The following POFUT2 variants were observed in gnomAD, a reference collection of about 807,000 sequenced individuals.
POFUT2 encodes protein O-fucosyltransferase 2, also known as GDP-fucose protein O-fucosyltransferase 2.
POFUT2 carries 30 observed loss-of-function variants against 55.0 expected under a neutral mutation model. The ratio of observed to expected loss-of-function variants is 0.55; its 90% CI spans 0.41 to 0.74. POFUT2 has a LOEUF of 0.74. Ranked by LOEUF, POFUT2 falls within the 30% of genes least tolerant of loss-of-function variation. The probability of loss-of-function intolerance (pLI) is 0.00; values close to 1 mark genes in which losing one functional copy is unlikely to be tolerated. For synonymous variants in POFUT2, 267 were observed against 231.1 expected (o/e 1.16, Z -1.41); for missense variants, 524 against 562.6 (o/e 0.93, Z 0.69).
At position 45,285,922 on chromosome 21, in the gene POFUT2, A is replaced by C; in HGVS notation, c.138T>G (p.Leu46=). The change falls in exon 2 of 9, where the codon CTT becomes CTG. Residue 46 remains leucine (L), a synonymous_variant. Coordinates refer to ENST00000349485, the MANE Select transcript of POFUT2 (RefSeq NM_133635.6). This position sits in a 1 kb window ranked among gnomAD's most constrained non-coding sequence, Gnocchi z 4.9. ...LSGAASRRRY[L]LYDVNPPEGF... ...CTTCCGGGGGGTTGACGTCATACAG[A>C]AGATACCTGAGCAGGGAGAAGGAGG... 1 of 1,604,146 alleles carries C rather than the reference A, an allele frequency of 6.2e-7. No individual in the cohort carries two copies. Among genetic ancestry groups the C allele is most frequent in the Non-Finnish European group, 8.5e-7 (1 of 1,174,492 alleles).
At position 45,277,359 on chromosome 21, in the gene POFUT2, G is replaced by C; in HGVS notation, c.706-217C>G. On this transcript the variant is annotated intron_variant, in intron 5 of 8. Coordinates refer to ENST00000349485, the MANE Select transcript of POFUT2 (RefSeq NM_133635.6). The surrounding 1 kb of genome is among the most constrained non-coding windows in gnomAD (Gnocchi z 6.9). ...AACGCAGGGCAAGCCGCCCACCCCTGCCGGCTCTGCCAGCCCCTGCCGTGG... is the reference window on the plus strand; with the variant it reads ...AACGCAGGGCAAGCCGCCCACCCCTCCCGGCTCTGCCAGCCCCTGCCGTGG... 1 of 571,894 alleles carries C rather than the reference G, an allele frequency of 1.7e-6. No individual in the cohort carries two copies. The highest frequency in any genetic ancestry group is 3.0e-6 in the Non-Finnish European group (1 of 331,256). The allele number at this position is 571,894 out of a possible 1,614,324, so 35.4% of individuals were successfully genotyped here. A position where few individuals can be genotyped will look rare whatever the true frequency, so the allele number is the denominator to read the frequency against.
At position 45,267,569 on chromosome 21, in the gene POFUT2, G is replaced by C. The variant is rs371365312; in HGVS notation, c.1136+21C>G. On this transcript the variant is annotated intron_variant, in intron 8 of 8. Transcript: ENST00000349485. This position sits in a 1 kb window ranked among gnomAD's most constrained non-coding sequence, Gnocchi z 4.4. ...AAAGCCACCCGACCCGCTCTCGGCC[G>C]ACAGTGACGTGGGCAGGCACCTGGC... is the stretch of plus-strand genomic sequence containing the variant. The C allele has an allele frequency of 6.2e-7, 1 of 1,614,150 alleles. No individual in the cohort carries two copies. The highest frequency in any genetic ancestry group is 8.5e-7 in the Non-Finnish European group (1 of 1,180,036).
In POFUT2 at chr21:45,283,490, C is replaced by A. The variant is rs201884494; in HGVS notation, c.420G>T (p.Leu140=). Reference sequence around the variant, plus strand: ...CTTTCCACCCCTCTGCGTAACTTTGCAGGACGTAAACCTGGTCAATAAAGG... The same window carrying A: ...CTTTCCACCCCTCTGCGTAACTTTGAAGGACGTAAACCTGGTCAATAAAGG... ...GGPFIDQVYV[L]QSYAEGWKEG... is the part of the protein sequence containing the mutation. Residue 140 remains leucine (L), a synonymous_variant, in exon 3 of 9, where the codon CTG becomes CTT. Transcript: ENST00000349485. The A allele has an allele frequency of 2.5e-6, 4 of 1,613,938 alleles. No individual in the cohort carries two copies. The African/African-American group carries it at 5.3e-5, about 22-fold the overall frequency.
rs745484532 is a variant in POFUT2, at chr21:45,282,329, G to A, written c.638+20C>T. ...ACGCCACAGCCTCCAGGCTGCTCCC[G>A]GGGGGCCTGGGGCACTCACCGGGCT... On this transcript the variant is annotated intron_variant, in intron 4 of 8. Coordinates refer to ENST00000349485, the MANE Select transcript of POFUT2 (RefSeq NM_133635.6). The surrounding 1 kb of genome is among the most constrained non-coding windows in gnomAD (Gnocchi z 4.6). 1.1e-5 allele frequency: 17 copies of A among 1,508,978 alleles called. No individual in the cohort carries two copies. The highest frequency in any genetic ancestry group is 1.7e-5 in the Admixed American group (1 of 59,626). The allele number at this position is 1,508,978 out of a possible 1,614,324, so 93.5% of individuals were successfully genotyped here. A position where few individuals can be genotyped will look rare whatever the true frequency, so the allele number is the denominator to read the frequency against.
chr21:45,282,134 C>T lies in POFUT2; in HGVS notation c.638+215G>A, dbSNP rs143364677. On this transcript the variant is annotated intron_variant, in intron 4 of 8. Coordinates refer to ENST00000349485, the MANE Select transcript of POFUT2 (RefSeq NM_133635.6). The surrounding 1 kb of genome is among the most constrained non-coding windows in gnomAD (Gnocchi z 4.6). The stretch of plus-strand genomic sequence containing the variant: ...AGCCCTCACCTCTGTGCCCCTCACC[C>T]GCTGTCCACGTCACCCACTGCACCC... 2.0e-5 allele frequency among the ~76,000 whole-genome samples: 3 copies of T among 152,128 alleles called. No homozygotes were observed. The highest frequency in any genetic ancestry group is 4.1e-4 in the South Asian group (2 of 4,822).
intron 4 of POFUT2, among the ~76,000 whole-genome samples, chr21:45,280,431 C>A (rs1194997224): frequency 2.0e-5 from 3 of 152,192 alleles, no homozygotes; most frequent in African/African-American, 7.2e-5. Context: ...TCCGGGGAGG[C>A]TATGAACGTT....
chr21:45,277,689 GT>G lies in POFUT2; in HGVS notation c.705+413del, dbSNP rs1234595862. 1 of 230,468 alleles carries G rather than the reference GT, an allele frequency of 4.3e-6. No homozygotes were observed. The highest frequency in any genetic ancestry group is 8.6e-6 in the Non-Finnish European group (1 of 115,976). The allele number at this position is 230,468 out of a possible 1,614,324, so 14.3% of individuals were successfully genotyped here. A position where few individuals can be genotyped will look rare whatever the true frequency, so the allele number is the denominator to read the frequency against. Reference sequence around the variant, plus strand: ...CTCCCACTCACTCACAGAACCAGGGGTGGCTATGGGAAGTCACCCCATCAAT... The same window carrying G: ...CTCCCACTCACTCACAGAACCAGGGGGGCTATGGGAAGTCACCCCATCAAT... On this transcript the variant is annotated intron_variant, in intron 5 of 8. Transcript: ENST00000349485. This position sits in a 1 kb window ranked among gnomAD's most constrained non-coding sequence, Gnocchi z 6.9.
chr21:45,284,743 C>G lies in POFUT2; in HGVS notation c.382+935G>C, dbSNP rs2031185599. Reference sequence around the variant, plus strand: ...GGCTGGCTGCTAGTTAGACCCAATACCCAACCACAGCTTTCATCTTCCAGG... The same window carrying G: ...GGCTGGCTGCTAGTTAGACCCAATAGCCAACCACAGCTTTCATCTTCCAGG... On this transcript the variant is annotated intron_variant, in intron 2 of 8. Transcript: ENST00000349485. The surrounding 1 kb of genome is among the most constrained non-coding windows in gnomAD (Gnocchi z 5.8). Among the ~76,000 whole-genome samples the G allele has an allele frequency of 6.6e-6, 1 of 152,258 alleles. No individual in the cohort carries two copies. Among genetic ancestry groups the G allele is most frequent in the East Asian group, 1.9e-4 (1 of 5,174 alleles).
At chr21:45,275,284 C>A (rs1025787565) in intron 6 of POFUT2, among the ~76,000 whole-genome samples, 1 of 152,114 alleles carries the variant, frequency 6.6e-6, no homozygotes, top group Non-Finnish European at 1.5e-5. Flanking sequence ...GATGTCGGCA[C>A]GGATGCAGTG....
chr21:45,287,848 G>A lies in POFUT2; in HGVS notation c.24C>T (p.Phe8=), dbSNP rs1223042770. 2 of 1,432,208 alleles carry A rather than the reference G, an allele frequency of 1.4e-6. No individual in the cohort carries two copies. Among genetic ancestry groups the A allele is most frequent in the South Asian group, 1.4e-5 (1 of 69,974 alleles). The allele number at this position is 1,432,208 out of a possible 1,614,324, so 88.7% of individuals were successfully genotyped here. The change falls in exon 1 of 9, where the codon TTC becomes TTT. Residue 8 remains phenylalanine, a synonymous_variant. Transcript: ENST00000349485. ...GCCAGGACACTGCCCCCAGCAGCAG[G>A]AAGACGAAGCTGAGTGTCGCCATGG... MATLSFV[F]LLLGAVSWPP...
In POFUT2 at chr21:45,280,325, C is replaced by T. The variant is rs578169867; in HGVS notation, c.638+2024G>A. Among the ~76,000 whole-genome samples, 166 of 152,232 alleles carry T rather than the reference C, an allele frequency of 1.1e-3. 2 individuals are homozygous for T. The highest frequency in any genetic ancestry group is 1.5e-3 in the Non-Finnish European group (99 of 68,010). On this transcript the variant is annotated intron_variant, in intron 4 of 8. Transcript: ENST00000349485. ...TTTACTGGGCATTATATCTTGATTT[C>T]TCTTTGTTGAACACGGCAGCAGGTT...
At chr21:45,286,028 A>G (rs2146699798) in intron 1 of POFUT2, 100 bp from the exon 2 acceptor site, 2 of 1,038,290 alleles carry the variant, frequency 1.9e-6, no homozygotes, top group East Asian at 4.8e-5. Flanking sequence ...GACTCTAGGC[A>G]CTTAACAATG....
intron 2 of POFUT2, among the ~76,000 whole-genome samples, chr21:45,283,952 C>T (rs2146679019): frequency 6.6e-6 from 1 of 152,300 alleles, no homozygotes; most frequent in South Asian, 2.1e-4. Flanking sequence ...ACCCCCTCGG[C>T]CACCATCTAC....
rs759550317 is a variant in POFUT2 at position 45,287,722 on chromosome 21, AC to A, written c.131+18del. On this transcript the variant is annotated intron_variant, in intron 1 of 8. Transcript: ENST00000349485. ...CCGGTCCTGGAACCCCAGCGTTGGC[AC>A]CGTGGACGCGCGTTTACCGTCTGCG... 8.6e-7 allele frequency: 1 copy of A among 1,162,218 alleles called. No individual in the cohort carries two copies. Among genetic ancestry groups the A allele is most frequent in the South Asian group, 1.6e-5 (1 of 62,626 alleles). 72.0% of individuals were successfully genotyped at this position (1,162,218 alleles called of 1,614,324 possible).
intron 7 of POFUT2, 78 bp downstream of exon 7, chr21:45,269,761 T>C: frequency 7.2e-7 from 1 of 1,391,102 alleles, no homozygotes; most frequent in Non-Finnish European, 9.8e-7. Flanking sequence ...TCCCCGTCTG[T>C]GAGAAACACC....
chr21:45,271,628 G>C (rs962519521), intron 6 of POFUT2, among the ~76,000 whole-genome samples: 6 of 152,176 alleles, frequency 3.9e-5, no homozygotes, highest in Non-Finnish European at 8.8e-5. Flanking sequence ...ATGAAGGAAA[G>C]AATCTTAAGA....
In POFUT2 at chr21:45,269,579, C is replaced by T. The variant is rs552777937; in HGVS notation, c.1012+260G>A. 2.6e-3 allele frequency among the ~76,000 whole-genome samples: 388 copies of T among 152,130 alleles called. 1 individual carries two copies. The highest frequency in any genetic ancestry group is 4.0e-3 in the Non-Finnish European group (272 of 68,006). Reference sequence around the variant, plus strand: ...CAAGATGTGCTTTGTTAAACAGACGCTTGAAGGCAGCATGCTCGTTAAGAG... The same window carrying T: ...CAAGATGTGCTTTGTTAAACAGACGTTTGAAGGCAGCATGCTCGTTAAGAG... On this transcript the variant is annotated intron_variant, in intron 7 of 8. Coordinates refer to ENST00000349485, the MANE Select transcript of POFUT2 (RefSeq NM_133635.6).
chr21:45,271,226 A>G (rs1244634091), intron 6 of POFUT2, among the ~76,000 whole-genome samples: 1 of 152,226 alleles, frequency 6.6e-6, no homozygotes, highest in Non-Finnish European at 1.5e-5. Context: ...ACTTCTGGAA[A>G]TGAAAGACAC....
chr21:45,266,436 G>A, intron 8 of POFUT2: 1 of 1,170,564 alleles, frequency 8.5e-7, no homozygotes, highest in Non-Finnish European at 1.1e-6. Flanking sequence ...CAGTGAGCTG[G>A]GCCGAGCGCT....
Sources: gnomAD v4.1 joint callset for allele counts (sites outside exome capture counted in the v4.1 genomes callset) on GRCh38, gnomAD v4.1.1 for gene constraint, Gnocchi (gnomAD v3.1) non-coding constraint, MANE v1.5 for transcripts, NCBI Gene and HGNC (gene_info 2026-07-23, HGNC 2026-07-21) for gene names.